AGAP1: variants seen among roughly 807,000 people sequenced by gnomAD.
AGAP1 encodes the protein arf-GAP with GTPase, ANK repeat and PH domain-containing protein 1.
In AGAP1, 29 loss-of-function variants were observed where a neutral mutation model predicts 105.3. The ratio of observed to expected loss-of-function variants is 0.28; its 90% CI spans 0.21 to 0.38. The LOEUF (loss-of-function observed/expected upper bound fraction) is 0.38, where lower values mean the gene tolerates loss of function less well. AGAP1 is among the 10% of genes least tolerant of loss of function. The pLI, the probability that AGAP1 is intolerant of heterozygous loss-of-function variation, is 1.00. For missense variants in AGAP1, 998 were observed against 1,165.1 expected, an observed-to-expected ratio of 0.86 and a Z score of 2.09; for synonymous variants, 509 against 485.9, an observed-to-expected ratio of 1.05 and a Z score of -0.63.
At chr2:236,097,237 A>T (rs953553878) in intron 16 of AGAP1, among the ~76,000 whole-genome samples, 1 of 152,128 alleles carries the variant, frequency 6.6e-6, no homozygotes, top group Admixed American at 6.6e-5. Context: ...TTCTTTGGCT[A>T]TAATAATGTG....
Position 235,750,999 on chromosome 2 carries a change from C to T in AGAP1, c.673+511C>T, listed in dbSNP as rs1159844382. Among the ~76,000 whole-genome samples the T allele has an allele frequency of 2.0e-5, 3 of 152,082 alleles. No homozygotes were observed. The highest frequency in any genetic ancestry group is 6.6e-5 in the Admixed American group (1 of 15,266). The stretch of plus-strand genomic sequence containing the variant: ...CTCACAGCAGAGGGTGAGGACCAGC[C>T]TTTTGGAATTGTTTTTAGGTTATTT... On this transcript the variant is annotated intron_variant, in intron 6 of 17. Transcript: ENST00000304032. This position sits in a 1 kb window ranked among gnomAD's most constrained non-coding sequence, Gnocchi z 5.3.
At chr2:235,814,355 C>G (rs1958330499) in intron 9 of AGAP1, among the ~76,000 whole-genome samples, 1 of 152,184 alleles carries the variant, frequency 6.6e-6, no homozygotes, top group African/African-American at 2.4e-5. Flanking sequence ...AAATCCAATT[C>G]CCCTTGAGCT....
At chr2:235,850,077 C>T (rs569468185) in intron 9 of AGAP1, among the ~76,000 whole-genome samples, 5 of 152,298 alleles carry the variant, frequency 3.3e-5, no homozygotes, top group South Asian at 2.1e-4. Context: ...ACCCACCCCA[C>T]GGTGTCCTGG....
At chr2:235,607,234 G>A (rs1009389348) in intron 1 of AGAP1, among the ~76,000 whole-genome samples, 1 of 152,118 alleles carries the variant, frequency 6.6e-6, no homozygotes, top group African/African-American at 2.4e-5. Context: ...ACCATGCAGG[G>A]GAATGCTAGG....
intron 9 of AGAP1, chr2:235,852,584 C>G (rs1410333405): frequency 8.7e-7 from 1 of 1,152,374 alleles, no homozygotes; most frequent in Non-Finnish European, 1.1e-6. Context: ...ATAGAGACTG[C>G]TGAAGTAAGG....
chr2:235,867,448 T>C lies in AGAP1; in HGVS notation c.1051-15897T>C, dbSNP rs1486485361. ...CCCGTAGGATCCCCAACGCTAATAG[T>C]CTGGATGAGGGTGCACAGGCTGTGA... is the stretch of plus-strand genomic sequence containing the variant. On this transcript the variant is annotated intron_variant, in intron 9 of 17. Coordinates refer to ENST00000304032, the MANE Select transcript of AGAP1 (RefSeq NM_001037131.3). The surrounding 1 kb of genome is among the most constrained non-coding windows in gnomAD (Gnocchi z 5.4). Among the ~76,000 whole-genome samples, 1 of 152,016 alleles carries C rather than the reference T, an allele frequency of 6.6e-6. No individual in the cohort carries two copies.
intron 6 of AGAP1, among the ~76,000 whole-genome samples, chr2:235,770,577 G>A (rs1955365182): frequency 6.6e-6 from 1 of 152,134 alleles, no homozygotes; most frequent in Non-Finnish European, 1.5e-5. Flanking sequence ...GCCCATGATG[G>A]ATATTCACGC....
rs1202920086 is a variant in AGAP1 at position 236,131,624 on chromosome 2, G to A, written c.*7502G>A. 1 of 151,982 alleles carries A rather than the reference G, an allele frequency of 6.6e-6. No homozygotes were observed. Among genetic ancestry groups the A allele is most frequent in the East Asian group, 1.9e-4 (1 of 5,194 alleles). 9.4% of individuals were successfully genotyped at this position (151,982 alleles called of 1,614,324 possible). A position where few individuals can be genotyped will look rare whatever the true frequency, so the allele number is the denominator to read the frequency against. ...TTTCACTTTGCTTGTTATTTCATAT[G>A]ATCTTGTTTTGATTAAATATGCCAG... On this transcript the variant is annotated 3_prime_UTR_variant, in exon 18 of 18. Transcript: ENST00000304032. The surrounding 1 kb of genome is among the most constrained non-coding windows in gnomAD (Gnocchi z 5.9).
Position 236,113,069 on chromosome 2 carries a change from T to TC in AGAP1, c.2115-7120dup, listed in dbSNP as rs1186264243. Reference sequence around the variant, plus strand: ...CTTCTTTCCTGCAGCCTTTCTTTTTTCCCACGATTTCCCAAAATACGGCCA... The same window carrying TC: ...CTTCTTTCCTGCAGCCTTTCTTTTTTCCCCACGATTTCCCAAAATACGGCCA... On this transcript the variant is annotated intron_variant, in intron 16 of 17. Coordinates refer to ENST00000304032, the MANE Select transcript of AGAP1 (RefSeq NM_001037131.3). This position sits in a 1 kb window ranked among gnomAD's most constrained non-coding sequence, Gnocchi z 4.3. Among the ~76,000 whole-genome samples the TC allele has an allele frequency of 9.9e-5, 15 of 152,272 alleles. No homozygotes were observed. Among genetic ancestry groups the TC allele is most frequent in the African/African-American group, 3.6e-4 (15 of 41,478 alleles).
At position 236,127,708 on chromosome 2, in the gene AGAP1, A is replaced by G. The variant is rs1265685830; in HGVS notation, c.*3586A>G. ...ATCTGCACATTTGGGGTCATTCCCTATATCTGCATAGGAGCTATTGCTAAC... is the reference window on the plus strand; with the variant it reads ...ATCTGCACATTTGGGGTCATTCCCTGTATCTGCATAGGAGCTATTGCTAAC... On this transcript the variant is annotated 3_prime_UTR_variant, in exon 18 of 18. Coordinates refer to ENST00000304032, the MANE Select transcript of AGAP1 (RefSeq NM_001037131.3). The surrounding 1 kb of genome is among the most constrained non-coding windows in gnomAD (Gnocchi z 6.6). 2.0e-5 allele frequency: 3 copies of G among 152,160 alleles called. No individual in the cohort carries two copies. Among genetic ancestry groups the G allele is most frequent in the Non-Finnish European group, 2.9e-5 (2 of 68,050 alleles). The allele number at this position is 152,160 out of a possible 1,614,324, so 9.4% of individuals were successfully genotyped here.
chr2:235,533,628 C>T (rs1025251004), intron 1 of AGAP1, among the ~76,000 whole-genome samples: 4 of 152,202 alleles, frequency 2.6e-5, no homozygotes, highest in Non-Finnish European at 5.9e-5. Context: ...AGGCTTTATT[C>T]TATTTTTTTG....
At position 235,770,097 on chromosome 2, in the gene AGAP1, A is replaced by G. The variant is rs1035029101; in HGVS notation, c.673+19609A>G. Among the ~76,000 whole-genome samples the G allele has an allele frequency of 1.1e-4, 16 of 150,684 alleles. 1 individual carries two copies. The highest frequency in any genetic ancestry group is 1.0e-3 in the Admixed American group (15 of 14,896). On this transcript the variant is annotated intron_variant, in intron 6 of 17. Coordinates refer to ENST00000304032, the MANE Select transcript of AGAP1 (RefSeq NM_001037131.3). ...TAATCCCACCTCCTAGTAATAACACATATATATACACACACATTTTTTTCT... is the reference window on the plus strand; with the variant it reads ...TAATCCCACCTCCTAGTAATAACACGTATATATACACACACATTTTTTTCT...
chr2:236,043,745 G>GGC (rs5839620), intron 15 of AGAP1, among the ~76,000 whole-genome samples: 1 of 149,150 alleles, frequency 6.7e-6, no homozygotes, highest in East Asian at 2.0e-4. Flanking sequence ...AAGTGGGGGG[G>GGC]GTGCTTAATT....
chr2:235,694,084 C>T (rs1278159067), intron 1 of AGAP1, among the ~76,000 whole-genome samples: 1 of 152,112 alleles, frequency 6.6e-6, no homozygotes, highest in Non-Finnish European at 1.5e-5. Flanking sequence ...TGGCTTACAC[C>T]TGTAATCCTA....
At chr2:235,840,537 G>A (rs1960700054) in intron 9 of AGAP1, among the ~76,000 whole-genome samples, 1 of 152,156 alleles carries the variant, frequency 6.6e-6, no homozygotes, top group South Asian at 2.1e-4. Flanking sequence ...GCGGTACCAT[G>A]TTGTACTTCA....
At position 236,129,010 on chromosome 2, in the gene AGAP1, T is replaced by C. The variant is rs1047522227; in HGVS notation, c.*4888T>C. On this transcript the variant is annotated 3_prime_UTR_variant, in exon 18 of 18. Coordinates refer to ENST00000304032, the MANE Select transcript of AGAP1 (RefSeq NM_001037131.3). The surrounding 1 kb of genome is among the most constrained non-coding windows in gnomAD (Gnocchi z 6.2). ...TTTCCTTCAAAGGAAATGTAATTTATTTCCAACCGCTGCCTCAGACGGGGG... is the reference window on the plus strand; with the variant it reads ...TTTCCTTCAAAGGAAATGTAATTTACTTCCAACCGCTGCCTCAGACGGGGG... 6.6e-6 allele frequency: 1 copy of C among 152,230 alleles called. No homozygotes were observed. Among genetic ancestry groups the C allele is most frequent in the African/African-American group, 2.4e-5 (1 of 41,470 alleles). 9.4% of individuals were successfully genotyped at this position (152,230 alleles called of 1,614,324 possible).
intron 13 of AGAP1, among the ~76,000 whole-genome samples, chr2:235,996,374 T>C (rs2055816267): frequency 6.6e-6 from 1 of 152,246 alleles, no homozygotes; most frequent in South Asian, 2.1e-4. Context: ...AGGTGTCTTC[T>C]AATTTTTTTA....
chr2:235,809,700 T>C (rs779832778), intron 9 of AGAP1, among the ~76,000 whole-genome samples: 1 of 152,178 alleles, frequency 6.6e-6, no homozygotes, highest in African/African-American at 2.4e-5. Flanking sequence ...TCCCTGTGTG[T>C]ACCCTTGTTT....
intron 1 of AGAP1, among the ~76,000 whole-genome samples, chr2:235,646,713 T>C (rs979105166): frequency 1.1e-4 from 16 of 152,216 alleles, no homozygotes; most frequent in Non-Finnish European, 1.5e-4. Context: ...TCAAGGTCAC[T>C]GCTGGAACTG....
Sources: allele counts gnomAD v4.1 joint callset (sites outside exome capture counted in the v4.1 genomes callset), GRCh38; gene constraint gnomAD v4.1.1; non-coding constraint Gnocchi (gnomAD v3.1); transcripts MANE v1.5; gene names NCBI Gene and HGNC (gene_info 2026-07-23, HGNC 2026-07-21).